Variants in LITAF observed in about 807,000 individuals in gnomAD.
LITAF encodes lipopolysaccharide-induced tumor necrosis factor-alpha factor.
A neutral mutation model predicts 14.5 loss-of-function variants in LITAF; 9 were observed. The observed-to-expected ratio is 0.62, with a 90% CI of 0.37 to 1.08. The LOEUF is 1.08. Among genes scored for constraint, LITAF ranks in the 50% least tolerant of loss-of-function variants. The pLI, the probability that LITAF is intolerant of heterozygous loss-of-function variation, is 0.01. For synonymous variants in LITAF, 98 were observed against 88.2 expected (o/e 1.11, Z -0.62); for missense variants, 206 against 213.4 (o/e 0.97, Z 0.22).
At chr16:11,630,457 CCA>C (rs1016084779) in intron 3 of LITAF, among the ~76,000 whole-genome samples, 1 of 152,192 alleles carries the variant, frequency 6.6e-6, no homozygotes, top group African/African-American at 2.4e-5. Flanking sequence ...TCATTGCAAA[CCA>C]CACAACCCTC....
intron 3 of LITAF, among the ~76,000 whole-genome samples, chr16:11,616,480 C>G (rs1273612358): frequency 7.6e-6 from 1 of 131,550 alleles, no homozygotes; most frequent in Non-Finnish European, 1.6e-5. Context: ...CCTGTCTCAA[C>G]AAAACAAAAC....
At chr16:11,551,099 T>C (rs1032453629) in intron 3 of LITAF, among the ~76,000 whole-genome samples, 3 of 152,186 alleles carry the variant, frequency 2.0e-5, no homozygotes, top group Admixed American at 6.5e-5. Context: ...TGACAACCAA[T>C]GTTTGCCAAA....
chr16:11,626,936 G>A (rs1190259303), intron 3 of LITAF, among the ~76,000 whole-genome samples: 5 of 151,416 alleles, frequency 3.3e-5, no homozygotes, highest in African/African-American at 1.2e-4. Context: ...TCTACCTCCC[G>A]GGCTCAGGTG....
At chr16:11,573,832 G>C (rs1318298818) in intron 1 of LITAF, among the ~76,000 whole-genome samples, 2 of 149,654 alleles carry the variant, frequency 1.3e-5, no homozygotes, top group Non-Finnish European at 3.0e-5. Flanking sequence ...CTCCCAAATA[G>C]CTGGGATTAC....
chr16:11,581,118 C>A (rs939500708), intron 1 of LITAF, among the ~76,000 whole-genome samples: 11 of 152,218 alleles, frequency 7.2e-5, no homozygotes, highest in African/African-American at 2.7e-4. Context: ...ATTATCTGAC[C>A]TTGCTTTGAG....
At chr16:11,556,482 G>T in intron 2 of LITAF, 29 bp downstream of exon 2, 1 of 1,591,606 alleles carries the variant, frequency 6.3e-7, no homozygotes, top group Non-Finnish European at 8.6e-7. Context: ...CCAAGGAATG[G>T]TAAGGGGGGC....
At chr16:11,609,101 G>A (rs1413415287) in intron 3 of LITAF, among the ~76,000 whole-genome samples, 2 of 152,148 alleles carry the variant, frequency 1.3e-5, no homozygotes, top group African/African-American at 2.4e-5. Context: ...ATTAGACAGC[G>A]ATGGCTAAAG....
intron 1 of LITAF, among the ~76,000 whole-genome samples, chr16:11,571,813 T>C (rs2064545212): frequency 6.6e-6 from 1 of 152,152 alleles, no homozygotes; most frequent in East Asian, 1.9e-4. Flanking sequence ...AATGGTTTAA[T>C]CTTTCCAAGC....
In LITAF at chr16:11,630,125, G is replaced by A. The variant is rs1026084935; in HGVS notation, c.85+3408C>T. Among the ~76,000 whole-genome samples, 4 of 152,256 alleles carry A rather than the reference G, an allele frequency of 2.6e-5. No homozygotes were observed. In the East Asian group the frequency reaches 5.8e-4, roughly 22 times the overall value. On this transcript the variant is annotated intron_variant, in intron 3 of 3. Coordinates refer to the LITAF transcript ENST00000574848. Reference sequence around the variant, plus strand: ...GGACCCCGGAAGAACGGAGGTCATGGGAGTCCAGATAGGAACCAGACCCCT... The same window carrying A: ...GGACCCCGGAAGAACGGAGGTCATGAGAGTCCAGATAGGAACCAGACCCCT...
At chr16:11,638,440 C>T (rs13338320), upstream of LITAF, among the ~76,000 whole-genome samples, 1,612 of 152,038 alleles carry the variant, frequency 0.011, 31 homozygotes, top group African/African-American at 0.037. Flanking sequence ...TGGTGGCTCA[C>T]GCCTATAATC....
chr16:11,610,801 T>C (rs1454946975), intron 3 of LITAF, among the ~76,000 whole-genome samples: 3 of 152,144 alleles, frequency 2.0e-5, no homozygotes, highest in Non-Finnish European at 2.9e-5. Context: ...CAACCTGTAA[T>C]GTACCAGAAG....
intron 3 of LITAF, among the ~76,000 whole-genome samples, chr16:11,624,818 G>A (rs910690833): frequency 2.0e-5 from 3 of 152,112 alleles, no homozygotes; most frequent in South Asian, 2.1e-4. Flanking sequence ...GGGTGGCCTC[G>A]AGACTTGCTT....
intron 1 of LITAF, among the ~76,000 whole-genome samples, chr16:11,572,495 G>C (rs1187758961): frequency 6.6e-6 from 1 of 151,162 alleles, no homozygotes; most frequent in Non-Finnish European, 1.5e-5. Flanking sequence ...CACACCTGCT[G>C]ACGGGACATC....
chr16:11,608,295 G>C (rs577937437), intron 3 of LITAF, among the ~76,000 whole-genome samples: 2 of 152,180 alleles, frequency 1.3e-5, no homozygotes, highest in South Asian at 4.1e-4. Flanking sequence ...TGAGAAGAAC[G>C]GGGAGCAGTG....
chr16:11,629,626 T>A (rs930519926), intron 3 of LITAF, among the ~76,000 whole-genome samples: 10 of 152,152 alleles, frequency 6.6e-5, no homozygotes, highest in Non-Finnish European at 1.5e-4. Flanking sequence ...TTCCTTCCTC[T>A]TCTTGGCTGC....
intron 1 of LITAF, chr16:11,636,204 G>T (rs1444664961): frequency 2.0e-5 from 3 of 152,232 alleles, no homozygotes; most frequent in African/African-American, 7.2e-5. Context: ...GATGGAATGG[G>T]TGCTAGTGAA....
chr16:11,614,402 C>T (rs1216651087), intron 3 of LITAF, among the ~76,000 whole-genome samples: 1 of 150,042 alleles, frequency 6.7e-6, no homozygotes, highest in Non-Finnish European at 1.5e-5. Flanking sequence ...CAGGTTCAAG[C>T]AATTTTCCTG....
intron 1 of LITAF, among the ~76,000 whole-genome samples, chr16:11,582,870 G>A (rs745532365): frequency 7.2e-5 from 11 of 152,162 alleles, no homozygotes; most frequent in Non-Finnish European, 1.6e-4. Flanking sequence ...ATTGAATATT[G>A]CTTAAAATTC....
intron 1 of LITAF, among the ~76,000 whole-genome samples, chr16:11,593,124 T>C (rs1283367015): frequency 6.6e-6 from 1 of 151,864 alleles, no homozygotes; most frequent in African/African-American, 2.4e-5. Flanking sequence ...TGAGCGGAGA[T>C]TGCGCCACTG....
Sources: allele counts gnomAD v4.1 joint callset (sites outside exome capture counted in the v4.1 genomes callset), GRCh38; gene constraint gnomAD v4.1.1; transcripts MANE v1.5; gene names NCBI Gene and HGNC (gene_info 2026-07-23, HGNC 2026-07-21).